Variants in PTPN4 observed in about 807,000 individuals in gnomAD.
PTPN4 encodes the protein tyrosine-protein phosphatase non-receptor type 4.
In PTPN4, 49 loss-of-function variants were observed where a neutral mutation model predicts 135.5. That is an observed-to-expected ratio of 0.36 (90% confidence interval 0.29 to 0.46). PTPN4 has a LOEUF of 0.46. Ranked by LOEUF, PTPN4 falls within the 20% of genes least tolerant of loss-of-function variation. The pLI, the probability that PTPN4 is intolerant of heterozygous loss-of-function variation, is 1.00. For missense variants in PTPN4, 860 were observed against 1,101.0 expected, an observed-to-expected ratio of 0.78 and a Z score of 3.10; for synonymous variants, 333 against 369.9, an observed-to-expected ratio of 0.90 and a Z score of 1.14.
chr2:119,926,679 T>C lies in PTPN4; in HGVS notation c.1070+13T>C, dbSNP rs200607073. On this transcript the variant is annotated intron_variant, in intron 13 of 26. Transcript: ENST00000263708. The stretch of plus-strand genomic sequence containing the variant: ...GGGTATTTGCAAGGTAAGCCAAATC[T>C]GTTTCATTGTTTGAATTTTTTTAAA... The C allele has an allele frequency of 1.1e-4, 176 of 1,563,360 alleles. No individual in the cohort carries two copies. The highest frequency in any genetic ancestry group is 1.5e-4 in the Non-Finnish European group (167 of 1,148,398).
intron 3 of PTPN4, among the ~76,000 whole-genome samples, chr2:119,865,614 G>C (rs368622162): frequency 1.3e-5 from 2 of 151,966 alleles, no homozygotes; most frequent in Non-Finnish European, 2.9e-5. Flanking sequence ...TTAAGGAGAG[G>C]AGGTAACCAT....
chr2:119,866,253 C>A (rs1677833363), intron 3 of PTPN4, among the ~76,000 whole-genome samples: 1 of 151,998 alleles, frequency 6.6e-6, no homozygotes, highest in African/African-American at 2.4e-5. Flanking sequence ...TTTACTGTTT[C>A]TTTCCCTATT....
chr2:119,894,019 TA>T (rs902521434), intron 9 of PTPN4, among the ~76,000 whole-genome samples: 90 of 152,322 alleles, frequency 5.9e-4, no homozygotes, highest in African/African-American at 2.0e-3. Flanking sequence ...CCATCCTTCT[TA>T]GGGCTTTATG....
At chr2:119,917,572 A>G (rs1011223287) in intron 11 of PTPN4, among the ~76,000 whole-genome samples, 1 of 152,086 alleles carries the variant, frequency 6.6e-6, no homozygotes, top group African/African-American at 2.4e-5. Context: ...CATCTCTACT[A>G]AAATACAAAA....
chr2:119,951,868 A>T, intron 18 of PTPN4, 105 bp from the exon 19 acceptor site: 2 of 845,668 alleles, frequency 2.4e-6, no homozygotes, highest in Non-Finnish European at 3.4e-6. Flanking sequence ...GCTTTTCTAT[A>T]TGTAGTTTAG....
At chr2:119,961,990 A>C (rs1053909715) in intron 23 of PTPN4, among the ~76,000 whole-genome samples, 1 of 152,212 alleles carries the variant, frequency 6.6e-6, no homozygotes, top group African/African-American at 2.4e-5. Context: ...ATGGTTGCAC[A>C]GTTCTGTGAA....
Position 119,969,091 on chromosome 2 carries a change from A to G in PTPN4, c.2694+1119A>G, listed in dbSNP as rs944487697. Among the ~76,000 whole-genome samples the G allele has an allele frequency of 7.9e-5, 12 of 152,172 alleles. No individual in the cohort carries two copies. The South Asian group carries it at 2.3e-3, about 29-fold the overall frequency. The stretch of plus-strand genomic sequence containing the variant: ...CAGGCTGGTATGCAATGGTGTGATC[A>G]TAACTCACTGCAGCCTCAGCCTCCC... On this transcript the variant is annotated intron_variant, in intron 26 of 26. Coordinates refer to ENST00000263708, the MANE Select transcript of PTPN4 (RefSeq NM_002830.4).
At position 119,965,486 on chromosome 2, in the gene PTPN4, T is replaced by C. The variant is rs1464779180; in HGVS notation, c.2410-11T>C. ...ATAAGTCAAGGTGCATAATTTTTCA[T>C]TTGTTCTTAGAAAAATGAAAGTCGT... On this transcript the variant is annotated splice_polypyrimidine_tract_variant and intron_variant, in intron 24 of 26. Transcript: ENST00000263708. The C allele has an allele frequency of 1.9e-6, 3 of 1,595,702 alleles. No homozygotes were observed. The African/African-American group carries it at 4.1e-5, about 22-fold the overall frequency.
At chr2:119,782,882 A>G (rs930928567) in intron 1 of PTPN4, among the ~76,000 whole-genome samples, 1 of 151,066 alleles carries the variant, frequency 6.6e-6, no homozygotes, top group Non-Finnish European at 1.5e-5. Flanking sequence ...ATTAAAAAAA[A>G]AAATGTGTAG....
intron 12 of PTPN4, among the ~76,000 whole-genome samples, chr2:119,921,300 A>C (rs1047031223): frequency 1.3e-5 from 2 of 152,162 alleles, no homozygotes; most frequent in Admixed American, 6.5e-5. Flanking sequence ...ATAAAAATAA[A>C]ATAAAATGAA....
At chr2:119,860,749 G>A (rs1042984930) in intron 2 of PTPN4, among the ~76,000 whole-genome samples, 2 of 152,068 alleles carry the variant, frequency 1.3e-5, no homozygotes, top group Non-Finnish European at 2.9e-5. Flanking sequence ...ATTTTAAAAA[G>A]AGGTTTATTG....
chr2:119,850,506 A>G (rs1677575221), intron 2 of PTPN4, among the ~76,000 whole-genome samples: 1 of 152,182 alleles, frequency 6.6e-6, no homozygotes, highest in Non-Finnish European at 1.5e-5. Flanking sequence ...AAGCATGAGA[A>G]GTGCTGGTGG....
chr2:119,811,102 G>A (rs1285008578), intron 2 of PTPN4, among the ~76,000 whole-genome samples: 1 of 152,092 alleles, frequency 6.6e-6, no homozygotes, highest in African/African-American at 2.4e-5. Context: ...CTGGGGGAGG[G>A]ATAGCATTAG....
chr2:119,816,652 A>G (rs557453101), intron 2 of PTPN4, among the ~76,000 whole-genome samples: 152 of 152,306 alleles, frequency 1.0e-3, no homozygotes, highest in South Asian at 2.1e-3. Context: ...TCCTGCAACT[A>G]TATGGTCCCA....
At chr2:119,976,918 T>TG (rs764244057) in intron 26 of PTPN4, 66 bp from the exon 27 acceptor site, 4 of 1,549,698 alleles carry the variant, frequency 2.6e-6, no homozygotes, top group Admixed American at 2.3e-5. Flanking sequence ...TTGTCTTTTT[T>TG]GGGGGGAGAG....
chr2:119,846,021 C>G (rs72836839), intron 2 of PTPN4, among the ~76,000 whole-genome samples: 3,142 of 152,220 alleles, frequency 0.021, 58 homozygotes, highest in Non-Finnish European at 0.033. Flanking sequence ...TTACTGATTT[C>G]TAGTTTGATT....
rs1025735746 is a variant in PTPN4 at position 119,862,552 on chromosome 2, A to G, written c.155A>G (p.Gln52Arg). Residue 52 changes from glutamine (Q) to arginine (R), a missense_variant, in exon 3 of 27, where the codon CAA (glutamine) becomes CGA (arginine). This residue lies in a region of PTPN4 where 684 missense variants were observed against 807.0 expected (regional missense o/e 0.85). Transcript: ENST00000263708. ...TTTTTACAGAAACATGATCAGGGGC[A>G]AGTCTTGTTGGATGTCGTCTTCAAG... ...AFKVNKHDQG[Q>R]VLLDVVFKHL... 1 of 1,610,998 alleles carries G rather than the reference A, an allele frequency of 6.2e-7. No homozygotes were observed. The highest frequency in any genetic ancestry group is 1.7e-4 in the Middle Eastern group (1 of 6,046).
At chr2:119,869,718 C>T (rs1022580648) in intron 3 of PTPN4, among the ~76,000 whole-genome samples, 1 of 152,154 alleles carries the variant, frequency 6.6e-6, no homozygotes, top group Admixed American at 6.5e-5. Context: ...AGTAGACTTT[C>T]CTCCTCTTTC....
intron 15 of PTPN4, among the ~76,000 whole-genome samples, chr2:119,944,241 A>G (rs1240017060): frequency 6.6e-6 from 1 of 152,216 alleles, no homozygotes; most frequent in Non-Finnish European, 1.5e-5. Flanking sequence ...AATAGTGGTC[A>G]GTGTTCTTAT....
Sources: gnomAD v4.1 joint callset for allele counts (sites outside exome capture counted in the v4.1 genomes callset) on GRCh38, gnomAD v4.1.1 for gene constraint, gnomAD v4.1.1 regional missense constraint, MANE v1.5 for transcripts, NCBI Gene and HGNC (gene_info 2026-07-23, HGNC 2026-07-21) for gene names.